The following ADAM2 variants were observed in gnomAD, a reference collection of about 807,000 sequenced individuals.
ADAM2 encodes the protein disintegrin and metalloproteinase domain-containing protein 2.
A neutral mutation model predicts 99.3 loss-of-function variants in ADAM2; 101 were observed. That is an observed-to-expected ratio of 1.02 (90% CI 0.87 to 1.20). The LOEUF is 1.20. ADAM2 is among the 50% of genes most tolerant of loss of function. The pLI is 0.00. For missense variants in ADAM2, 948 were observed against 878.7 expected, an observed-to-expected ratio of 1.08 and a Z score of -1.00; for synonymous variants, 323 against 287.6, an observed-to-expected ratio of 1.12 and a Z score of -1.25.
chr8:39,789,345 A>G (rs1803604576), intron 7 of ADAM2, among the ~76,000 whole-genome samples: 1 of 151,778 alleles, frequency 6.6e-6, no homozygotes, highest in Admixed American at 6.6e-5. Flanking sequence ...ATCAACAGAG[A>G]TATTGAAGAC....
chr8:39,757,458 A>C (rs1802192533), intron 15 of ADAM2, among the ~76,000 whole-genome samples: 2 of 152,340 alleles, frequency 1.3e-5, no homozygotes, highest in Admixed American at 1.3e-4. Flanking sequence ...TCTTAGCTTG[A>C]ATAATCCCAG....
intron 11 of ADAM2, among the ~76,000 whole-genome samples, chr8:39,774,231 C>T (rs1802898849): frequency 1.3e-5 from 2 of 151,868 alleles, no homozygotes; most frequent in South Asian, 4.1e-4. Context: ...TGAAAAGTTA[C>T]AAGTCTTGCT....
intron 6 of ADAM2, among the ~76,000 whole-genome samples, chr8:39,814,011 A>G (rs1044128614): frequency 4.6e-5 from 7 of 151,930 alleles, no homozygotes; most frequent in Non-Finnish European, 1.0e-4. Flanking sequence ...ACACAGATGC[A>G]TGAGAGAATG....
rs772326621 is a variant in ADAM2, at chr8:39,824,813, A to G, written c.267+6T>C. The G allele has an allele frequency of 2.6e-5, 39 of 1,492,390 alleles. No homozygotes were observed. The Admixed American group carries it at 5.2e-4, about 20-fold the overall frequency. 92.4% of individuals were successfully genotyped at this position (1,492,390 alleles called of 1,614,324 possible). On this transcript the variant is annotated splice_donor_region_variant and intron_variant, in intron 4 of 20. Coordinates refer to ENST00000265708, the MANE Select transcript of ADAM2 (RefSeq NM_001464.5). ...ACAAAAATAAAAGAGATCATAAAAA[A>G]CATACCTGAAAATCTTGGTCAAGTG...
intron 6 of ADAM2, among the ~76,000 whole-genome samples, chr8:39,819,379 T>C (rs757158831): frequency 6.6e-6 from 1 of 152,082 alleles, no homozygotes; most frequent in Non-Finnish European, 1.5e-5. Context: ...GTATCATATA[T>C]CAAAATGAGA....
At chr8:39,781,397 C>T (rs752878875) in intron 10 of ADAM2, among the ~76,000 whole-genome samples, 2 of 152,122 alleles carry the variant, frequency 1.3e-5, no homozygotes, top group Non-Finnish European at 2.9e-5. Flanking sequence ...CAGGCACTAC[C>T]TCCACATAAA....
intron 14 of ADAM2, among the ~76,000 whole-genome samples, chr8:39,763,791 G>C (rs188926681): frequency 6.6e-6 from 1 of 152,258 alleles, no homozygotes; most frequent in Non-Finnish European, 1.5e-5. Context: ...AATCTGAACC[G>C]GTTCACTGAC....
chr8:39,808,260 A>T (rs770943189), intron 7 of ADAM2, among the ~76,000 whole-genome samples: 157 of 152,022 alleles, frequency 1.0e-3, no homozygotes, highest in Middle Eastern at 6.8e-3. Flanking sequence ...AAATCACAAG[A>T]TACGAGATCA....
rs145009659 is a variant in ADAM2, at chr8:39,772,007, G to A, written c.1029-2432C>T. ...GACCAGTTAATGGGTGCAGCACACCGAAATGGTGCATGTATACATATGTAA... is the reference window on the plus strand; with the variant it reads ...GACCAGTTAATGGGTGCAGCACACCAAAATGGTGCATGTATACATATGTAA... On this transcript the variant is annotated intron_variant, in intron 11 of 20. Transcript: ENST00000265708. 5.3e-5 allele frequency among the ~76,000 whole-genome samples: 8 copies of A among 150,554 alleles called. No individual in the cohort carries two copies. In the East Asian group the frequency reaches 1.2e-3, roughly 22 times the overall value.
chr8:39,753,031 A>C (rs1802008748), intron 16 of ADAM2, among the ~76,000 whole-genome samples: 1 of 152,188 alleles, frequency 6.6e-6, no homozygotes, highest in Non-Finnish European at 1.5e-5. Flanking sequence ...AATACTAAAA[A>C]ATGTGGAAGC....
intron 6 of ADAM2, among the ~76,000 whole-genome samples, chr8:39,810,503 A>G (rs570366715): frequency 6.6e-6 from 1 of 152,326 alleles, no homozygotes; most frequent in Admixed American, 6.5e-5. Context: ...ACCACATCGC[A>G]CTTATTCCAA....
chr8:39,807,087 C>T (rs1414802989), intron 7 of ADAM2, among the ~76,000 whole-genome samples: 2 of 152,186 alleles, frequency 1.3e-5, no homozygotes, highest in Admixed American at 6.5e-5. Flanking sequence ...CACCCAGCGA[C>T]CCCACCCATG....
At chr8:39,790,386 C>T (rs1331736878) in intron 7 of ADAM2, among the ~76,000 whole-genome samples, 2 of 151,800 alleles carry the variant, frequency 1.3e-5, no homozygotes, top group Non-Finnish European at 2.9e-5. Context: ...ATGTATAAAC[C>T]TGAAAATCAC....
At position 39,767,328 on chromosome 8, in the gene ADAM2, A is replaced by T. The variant is rs537909704; in HGVS notation, c.1213-77T>A. On this transcript the variant is annotated intron_variant, in intron 12 of 20. Transcript: ENST00000265708. ...GGACAGGCATGTTCATAAAGACAAC[A>T]TATTATATAACATACACATAGGTGC... 31 of 1,236,812 alleles carry T rather than the reference A, an allele frequency of 2.5e-5. 1 individual carries two copies. In the South Asian group the frequency reaches 3.3e-4, roughly 13 times the overall value. 76.6% of individuals were successfully genotyped at this position (1,236,812 alleles called of 1,614,324 possible).
Position 39,818,619 on chromosome 8 carries a change from G to C in ADAM2, c.513+2383C>G, listed in dbSNP as rs116974613. On this transcript the variant is annotated intron_variant, in intron 6 of 20. Coordinates refer to ENST00000265708, the MANE Select transcript of ADAM2 (RefSeq NM_001464.5). Reference sequence around the variant, plus strand: ...AAGGAAATTTGAGATATCCTAGTTGGAAAGAAACAAGATAAACTATCTTTA... The same window carrying C: ...AAGGAAATTTGAGATATCCTAGTTGCAAAGAAACAAGATAAACTATCTTTA... Among the ~76,000 whole-genome samples the C allele has an allele frequency of 4.7e-3, 707 of 152,032 alleles. 5 individuals are homozygous for C. Among genetic ancestry groups the C allele is most frequent in the Middle Eastern group, 0.041 (12 of 294 alleles).
In ADAM2 at chr8:39,785,448, G is replaced by A. The variant is rs185738015; in HGVS notation, c.891+1526C>T. Reference sequence around the variant, plus strand: ...AGAATTAGTTCAGAAACTGTGGAAAGCAGTTTGGAGAGTTCTCAAATAACT... The same window carrying A: ...AGAATTAGTTCAGAAACTGTGGAAAACAGTTTGGAGAGTTCTCAAATAACT... On this transcript the variant is annotated intron_variant, in intron 10 of 20. Coordinates refer to ENST00000265708, the MANE Select transcript of ADAM2 (RefSeq NM_001464.5). Among the ~76,000 whole-genome samples the A allele has an allele frequency of 2.8e-3, 423 of 152,288 alleles. 2 individuals are homozygous for A. Among genetic ancestry groups the A allele is most frequent in the African/African-American group, 9.8e-3 (407 of 41,572 alleles).
At chr8:39,817,095 TAA>T in intron 6 of ADAM2, among the ~76,000 whole-genome samples, 1 of 151,158 alleles carries the variant, frequency 6.6e-6, no homozygotes, top group East Asian at 1.9e-4. Flanking sequence ...ACTTGATTAA[TAA>T]AAAAGATGTA....
At chr8:39,785,520 T>C (rs1353503728) in intron 10 of ADAM2, among the ~76,000 whole-genome samples, 5 of 152,126 alleles carry the variant, frequency 3.3e-5, no homozygotes, top group Admixed American at 6.5e-5. Flanking sequence ...ACTGGGTATA[T>C]ACTCGAAAGA....
intron 2 of ADAM2, among the ~76,000 whole-genome samples, chr8:39,834,791 A>G (rs1805757093): frequency 6.7e-6 from 1 of 150,336 alleles, no homozygotes; most frequent in Non-Finnish European, 1.5e-5. Flanking sequence ...TATGATGTTA[A>G]CTAAGGGTTT....
Sources: gnomAD v4.1 joint callset for allele counts (sites outside exome capture counted in the v4.1 genomes callset) on GRCh38, gnomAD v4.1.1 for gene constraint, MANE v1.5 for transcripts, NCBI Gene and HGNC (gene_info 2026-07-23, HGNC 2026-07-21) for gene names.